TRDN: variants seen among roughly 807,000 people sequenced by gnomAD.
TRDN encodes triadin in skeletal muscle.
In TRDN, 161 loss-of-function variants were observed where a neutral mutation model predicts 149.7. The ratio of observed to expected loss-of-function variants is 1.08; its 90% confidence interval spans 0.95 to 1.23. The LOEUF is 1.23. Among genes scored for constraint, TRDN ranks in the 50% most tolerant of loss-of-function variants. The pLI, the probability that TRDN is intolerant of heterozygous loss-of-function variation, is 0.00. For synonymous variants in TRDN, 294 were observed against 250.5 expected (o/e 1.17, Z -1.64); for missense variants, 896 against 823.5 (o/e 1.09, Z -1.08).
At chr6:123,497,743 A>T (rs1353361543) in intron 8 of TRDN, among the ~76,000 whole-genome samples, 1 of 152,168 alleles carries the variant, frequency 6.6e-6, no homozygotes, top group Admixed American at 6.6e-5. Flanking sequence ...AGGAGAACTA[A>T]CCTCTTTGCA....
chr6:123,437,226 G>T (rs1178620387), intron 12 of TRDN, among the ~76,000 whole-genome samples: 1 of 151,858 alleles, frequency 6.6e-6, no homozygotes, highest in Non-Finnish European at 1.5e-5. Flanking sequence ...CAAGTTCATT[G>T]TATCTTGACC....
At chr6:123,492,257 T>C (rs892383688) in intron 9 of TRDN, among the ~76,000 whole-genome samples, 9 of 152,158 alleles carry the variant, frequency 5.9e-5, no homozygotes, top group Admixed American at 5.2e-4. Context: ...ATTTTAATAG[T>C]GGAATAACTT....
At chr6:123,346,416 T>C (rs1780248345) in intron 21 of TRDN, among the ~76,000 whole-genome samples, 2 of 151,970 alleles carry the variant, frequency 1.3e-5, no homozygotes, top group African/African-American at 4.8e-5. Flanking sequence ...ATTTTTTATA[T>C]TTTAGATTTT....
At chr6:123,370,936 G>C (rs1289810692) in intron 19 of TRDN, among the ~76,000 whole-genome samples, 1 of 140,626 alleles carries the variant, frequency 7.1e-6, no homozygotes, top group East Asian at 2.2e-4. Flanking sequence ...AATTTTTGGA[G>C]TTGTTCATCT....
intron 1 of TRDN, among the ~76,000 whole-genome samples, chr6:123,573,546 T>G (rs1782681434): frequency 6.6e-6 from 1 of 152,016 alleles, no homozygotes. Flanking sequence ...AGGCATTTGT[T>G]TCCATTTAAT....
At chr6:123,281,287 T>C (rs1362202614) in intron 24 of TRDN, among the ~76,000 whole-genome samples, 1 of 152,052 alleles carries the variant, frequency 6.6e-6, no homozygotes, top group African/African-American at 2.4e-5. Flanking sequence ...TTAATGTAAA[T>C]AACCTTTTGT....
chr6:123,237,031 G>C (rs1009593821), intron 38 of TRDN, among the ~76,000 whole-genome samples: 1 of 151,970 alleles, frequency 6.6e-6, no homozygotes, highest in Non-Finnish European at 1.5e-5. Flanking sequence ...TCCAATTTAT[G>C]AATATGGTAT....
Position 123,260,658 on chromosome 6 carries a change from A to G in TRDN, c.1805-20T>C. 6.9e-7 allele frequency: 1 copy of G among 1,451,330 alleles called. No homozygotes were observed. The allele number at this position is 1,451,330 out of a possible 1,614,324, so 89.9% of individuals were successfully genotyped here. On this transcript the variant is annotated intron_variant, in intron 33 of 40. Transcript: ENST00000334268. ...TTCCTTCTTTAGAAAAAAAAAAAAA[A>G]AGAATGTAGAAAGAAAGGAAAAAAA...
intron 38 of TRDN, among the ~76,000 whole-genome samples, chr6:123,248,275 A>G (rs898247778): frequency 6.6e-6 from 1 of 151,626 alleles, no homozygotes; most frequent in African/African-American, 2.4e-5. Flanking sequence ...CAAAAGATCA[A>G]GCTGGGTACA....
chr6:123,551,096 AT>A (rs1183235872), intron 2 of TRDN, among the ~76,000 whole-genome samples: 2 of 151,106 alleles, frequency 1.3e-5, no homozygotes, highest in Non-Finnish European at 3.0e-5. Flanking sequence ...CTATTTCTCC[AT>A]TTCCCTTCTT....
chr6:123,462,681 C>G (rs574745237), intron 10 of TRDN: 1 of 151,800 alleles, frequency 6.6e-6, no homozygotes, highest in South Asian at 2.1e-4. Flanking sequence ...GAAAGTTCCT[C>G]CTTTTTACAT....
chr6:123,432,423 G>T, intron 12 of TRDN, among the ~76,000 whole-genome samples: 1 of 141,688 alleles, frequency 7.1e-6, no homozygotes, highest in East Asian at 2.0e-4. Context: ...AGCACCTGTG[G>T]TATTATCTCC....
chr6:123,615,745 G>C (rs921586202), intron 1 of TRDN, among the ~76,000 whole-genome samples: 1 of 152,132 alleles, frequency 6.6e-6, no homozygotes, highest in African/African-American at 2.4e-5. Flanking sequence ...CTAGAGGCTA[G>C]AAAGTGTGGG....
At chr6:123,560,060 G>A (rs1022713208) in intron 2 of TRDN, among the ~76,000 whole-genome samples, 1 of 152,156 alleles carries the variant, frequency 6.6e-6, no homozygotes, top group South Asian at 2.1e-4. Context: ...ACTGCACCCT[G>A]TAGCCTTTCT....
At chr6:123,317,181 T>C (rs1779058634) in intron 23 of TRDN, among the ~76,000 whole-genome samples, 1 of 151,820 alleles carries the variant, frequency 6.6e-6, no homozygotes, top group South Asian at 2.1e-4. Flanking sequence ...ATAAGATAGT[T>C]GACTATATTT....
intron 22 of TRDN, among the ~76,000 whole-genome samples, chr6:123,333,315 T>C (rs1779733032): frequency 6.6e-6 from 1 of 152,026 alleles, no homozygotes; most frequent in Admixed American, 6.6e-5. Context: ...GTGTGAGGGT[T>C]TAGTATTTAT....
At chr6:123,533,864 CA>C (rs2114357524) in intron 4 of TRDN, among the ~76,000 whole-genome samples, 1 of 151,896 alleles carries the variant, frequency 6.6e-6, no homozygotes, top group African/African-American at 2.4e-5. Context: ...TTTACTTAAG[CA>C]AAAATAAAAA....
At chr6:123,250,819 C>T (rs1314417930) in intron 38 of TRDN, among the ~76,000 whole-genome samples, 1 of 152,052 alleles carries the variant, frequency 6.6e-6, no homozygotes, top group Non-Finnish European at 1.5e-5. Flanking sequence ...TAAACCATAG[C>T]TTTCTGTGGC....
chr6:123,506,092 G>C (rs1778909224), intron 7 of TRDN, among the ~76,000 whole-genome samples: 1 of 152,054 alleles, frequency 6.6e-6, no homozygotes, highest in Non-Finnish European at 1.5e-5. Context: ...ATTCCACACT[G>C]GAATGTTTAT....
Sources: gnomAD v4.1 joint callset for allele counts (sites outside exome capture counted in the v4.1 genomes callset) on GRCh38, gnomAD v4.1.1 for gene constraint, MANE v1.5 for transcripts, NCBI Gene and HGNC (gene_info 2026-07-23, HGNC 2026-07-21) for gene names.